Variants in CTNNA2 observed in about 807,000 individuals in gnomAD.
CTNNA2 encodes the protein catenin alpha-2.
Under a neutral mutation model 101.0 loss-of-function variants are expected in CTNNA2, and 42 were observed. That is an observed-to-expected ratio of 0.42 (90% CI 0.32 to 0.54). CTNNA2 has a LOEUF of 0.54. CTNNA2 is among the 20% of genes least tolerant of loss of function. The pLI is 0.14. For missense variants in CTNNA2, 871 were observed against 1,223.1 expected, an observed-to-expected ratio of 0.71 and a Z score of 4.29; for synonymous variants, 450 against 456.4, an observed-to-expected ratio of 0.99 and a Z score of 0.18.
intron 7 of CTNNA2, among the ~76,000 whole-genome samples, chr2:80,269,953 C>T (rs1467405312): frequency 1.3e-5 from 2 of 152,144 alleles, no homozygotes; most frequent in African/African-American, 4.8e-5. Context: ...GCAGCTCTGG[C>T]CAACCTAGCA....
chr2:79,964,266 A>G (rs963114055), intron 7 of CTNNA2, among the ~76,000 whole-genome samples: 1 of 152,210 alleles, frequency 6.6e-6, no homozygotes, highest in Non-Finnish European at 1.5e-5. Flanking sequence ...TTTAATCCAT[A>G]TAATGCCACT....
intron 8 of CTNNA2, among the ~76,000 whole-genome samples, chr2:80,393,947 A>G (rs1677758505): frequency 1.3e-5 from 2 of 152,168 alleles, no homozygotes; most frequent in Admixed American, 1.3e-4. Flanking sequence ...TGTGGCCATG[A>G]TGAACTCCTC....
intron 4 of CTNNA2, among the ~76,000 whole-genome samples, chr2:79,467,136 T>G (rs1670946260): frequency 6.6e-6 from 1 of 152,182 alleles, no homozygotes; most frequent in African/African-American, 2.4e-5. Flanking sequence ...TGAAAAAAGA[T>G]TAGATGAATG....
Position 79,610,952 on chromosome 2 carries a change from G to A in CTNNA2, c.-5-40600G>A, listed in dbSNP as rs556426697. ...ACACTAGCACACAAAACAATGGAAT[G>A]GATCTGTAGGTATCCAACACTGATA... is the stretch of plus-strand genomic sequence containing the variant. On this transcript the variant is annotated intron_variant, in intron 1 of 18. Transcript: ENST00000402739. Among the ~76,000 whole-genome samples the A allele has an allele frequency of 1.2e-3, 184 of 152,194 alleles. 3 individuals carry two copies. The South Asian group carries it at 0.036, about 30-fold the overall frequency.
intron 12 of CTNNA2, among the ~76,000 whole-genome samples, chr2:80,567,945 TTTC>T (rs1348023297): frequency 2.6e-5 from 4 of 152,180 alleles, no homozygotes; most frequent in African/African-American, 9.7e-5. Context: ...CTTTGTCTAT[TTTC>T]TTTTCTCTAT....
chr2:79,749,268 A>G (rs1449956094), intron 3 of CTNNA2, among the ~76,000 whole-genome samples: 1 of 152,042 alleles, frequency 6.6e-6, no homozygotes, highest in South Asian at 2.1e-4. Flanking sequence ...CATCTGCCGT[A>G]TGGGGTCATT....
At chr2:79,819,204 C>T (rs112680437) in intron 3 of CTNNA2, among the ~76,000 whole-genome samples, 2,960 of 152,058 alleles carry the variant, frequency 0.019, 81 homozygotes, top group African/African-American at 0.067. Flanking sequence ...GTCTTGAACT[C>T]CCGACCTCAG....
chr2:80,395,656 G>T (rs1403245873), intron 8 of CTNNA2, among the ~76,000 whole-genome samples: 1 of 152,182 alleles, frequency 6.6e-6, no homozygotes, highest in Non-Finnish European at 1.5e-5. Flanking sequence ...TGTTACCTGG[G>T]TCTCTGATAG....
At chr2:80,355,775 T>C (rs1414912165) in intron 7 of CTNNA2, among the ~76,000 whole-genome samples, 5 of 152,156 alleles carry the variant, frequency 3.3e-5, no homozygotes, top group Non-Finnish European at 7.4e-5. Flanking sequence ...TGAACTCTTA[T>C]ATAATTTTAA....
chr2:79,825,447 A>T (rs540712199), intron 3 of CTNNA2, among the ~76,000 whole-genome samples: 2 of 152,038 alleles, frequency 1.3e-5, no homozygotes, highest in East Asian at 3.9e-4. Flanking sequence ...GTGTATATAA[A>T]ATATGGAGGT....
chr2:79,434,742 T>C (rs577984103), intron 4 of CTNNA2, among the ~76,000 whole-genome samples: 2 of 152,214 alleles, frequency 1.3e-5, no homozygotes, highest in East Asian at 3.9e-4. Context: ...CCAGAATACA[T>C]GGGGACCAGA....
rs1573013007 is a variant in CTNNA2, at chr2:79,274,675, G to A, written c.-405-38034G>A. 3.3e-5 allele frequency among the ~76,000 whole-genome samples: 5 copies of A among 151,998 alleles called. No individual in the cohort carries two copies. The South Asian group carries it at 1.0e-3, about 32-fold the overall frequency. The stretch of plus-strand genomic sequence containing the variant: ...CTTTTAAAACATTCAACCATATATT[G>A]TGAGGTTTCTCCATATATTATGTGG... On this transcript the variant is annotated intron_variant, in intron 2 of 21. Coordinates refer to the CTNNA2 transcript ENST00000466387.
intron 1 of CTNNA2, among the ~76,000 whole-genome samples, chr2:79,513,500 C>A (rs964070373): frequency 6.6e-6 from 1 of 152,152 alleles, no homozygotes; most frequent in East Asian, 1.9e-4. Flanking sequence ...ATCTCTTCTT[C>A]CCCCCTTTCT....
chr2:80,109,533 C>T (rs58382108), intron 7 of CTNNA2, among the ~76,000 whole-genome samples: 8,359 of 152,186 alleles, frequency 0.055, 776 homozygotes, highest in African/African-American at 0.19. Flanking sequence ...TCATACAGAG[C>T]CTCTGGTCTC....
chr2:80,530,896 A>C, intron 9 of CTNNA2, among the ~76,000 whole-genome samples: 1 of 152,316 alleles, frequency 6.6e-6, no homozygotes, highest in South Asian at 2.1e-4. Flanking sequence ...TTATACACTA[A>C]GGAGAGAATT....
intron 12 of CTNNA2, among the ~76,000 whole-genome samples, chr2:80,573,811 A>G (rs1482893805): frequency 6.6e-6 from 1 of 152,202 alleles, no homozygotes; most frequent in Non-Finnish European, 1.5e-5. Context: ...AAGGATTTAC[A>G]GTAACCAGTA....
At chr2:80,582,780 G>A (rs1695650471) in intron 14 of CTNNA2, among the ~76,000 whole-genome samples, 1 of 152,084 alleles carries the variant, frequency 6.6e-6, no homozygotes, top group Admixed American at 6.6e-5. Context: ...GCAAGAGGTT[G>A]AGAAAGAGAA....
chr2:79,217,278 G>A (rs1347363532), intron 2 of CTNNA2, among the ~76,000 whole-genome samples: 2 of 152,218 alleles, frequency 1.3e-5, no homozygotes, highest in Admixed American at 1.3e-4. Context: ...CCCCAAGGGA[G>A]GTCCCCCGAT....
chr2:79,705,382 ATTAG>A (rs1481326263), intron 2 of CTNNA2, among the ~76,000 whole-genome samples: 2 of 152,182 alleles, frequency 1.3e-5, no homozygotes, highest in African/African-American at 4.8e-5. Flanking sequence ...CTATTTTGTT[ATTAG>A]TTATTGTTAA....
Sources: gnomAD v4.1 joint callset for allele counts (sites outside exome capture counted in the v4.1 genomes callset) on GRCh38, gnomAD v4.1.1 for gene constraint, MANE v1.5 for transcripts, NCBI Gene and HGNC (gene_info 2026-07-23, HGNC 2026-07-21) for gene names.